FSTL4: variants seen among roughly 807,000 people sequenced by gnomAD.
FSTL4 encodes the protein follistatin like 4.
In FSTL4, 28 loss-of-function variants were observed where a neutral mutation model predicts 78.2. That is an observed-to-expected ratio of 0.36 (90% CI 0.27 to 0.49). The LOEUF (loss-of-function observed/expected upper bound fraction) is 0.49. FSTL4 is among the 20% of genes least tolerant of loss of function. The pLI, the probability that FSTL4 is intolerant of heterozygous loss-of-function variation, is 0.98. For missense variants in FSTL4, 922 were observed against 1,084.9 expected, an observed-to-expected ratio of 0.85 and a Z score of 2.11; for synonymous variants, 422 against 440.5, an observed-to-expected ratio of 0.96 and a Z score of 0.53.
At chr5:133,747,444 C>T in the FSTL4 span, among the ~76,000 whole-genome samples, 1 of 152,080 alleles carries the variant, frequency 6.6e-6, no homozygotes, top group Non-Finnish European at 1.5e-5. Flanking sequence ...AATCCCATAA[C>T]CCAAAGTAAG....
the FSTL4 span, among the ~76,000 whole-genome samples, chr5:133,633,801 G>A: frequency 6.6e-6 from 1 of 151,922 alleles, no homozygotes; most frequent in Admixed American, 6.6e-5. Flanking sequence ...GGTGTCATCT[G>A]TTACTCCCCA....
At chr5:133,668,225 A>G in the FSTL4 span, among the ~76,000 whole-genome samples, 1 of 152,148 alleles carries the variant, frequency 6.6e-6, no homozygotes, top group African/African-American at 2.4e-5. Context: ...CAATTCTCTC[A>G]TATCAGGAAC....
At chr5:133,641,729 A>G in the FSTL4 span, among the ~76,000 whole-genome samples, 1 of 152,214 alleles carries the variant, frequency 6.6e-6, no homozygotes, top group Non-Finnish European at 1.5e-5. Flanking sequence ...ATATATGCAT[A>G]CAATGAAATA....
chr5:133,577,055 T>A (rs6869265), intron 2 of FSTL4, among the ~76,000 whole-genome samples: 42,094 of 152,110 alleles, frequency 0.28, 5,968 homozygotes, highest in East Asian at 0.36. Flanking sequence ...GTGCACACAG[T>A]AAGAGTTTTG....
chr5:133,567,613 G>T (rs1007095019), intron 2 of FSTL4, among the ~76,000 whole-genome samples: 6 of 152,188 alleles, frequency 3.9e-5, no homozygotes, highest in African/African-American at 1.4e-4. Context: ...AAAATTATCT[G>T]GCCAGCAGCA....
chr5:133,685,106 A>G, the FSTL4 span, among the ~76,000 whole-genome samples: 1 of 152,206 alleles, frequency 6.6e-6, no homozygotes, highest in Non-Finnish European at 1.5e-5. Flanking sequence ...ATCAGTGGCA[A>G]CAGAAACACA....
chr5:133,329,432 T>A (rs1165963800), intron 4 of FSTL4, among the ~76,000 whole-genome samples: 1 of 152,106 alleles, frequency 6.6e-6, no homozygotes, highest in Non-Finnish European at 1.5e-5. Flanking sequence ...AAGTATTAAC[T>A]TACACACCTG....
Position 133,611,148 on chromosome 5 carries a change from CGCGGCCGCGAGCGAGGGCT to C in FSTL4, c.-11+1158_-11+1176del, listed in dbSNP as rs1222811846. ...GCGCCATTCATCAGTGTCGGCGGCC[CGCGGCCGCGAGCGAGGGCT>C]GCTGGACAGCGCCCCGGCACCCGCT... On this transcript the variant is annotated intron_variant, in intron 1 of 15. Coordinates refer to ENST00000265342, the MANE Select transcript of FSTL4 (RefSeq NM_015082.2). This position sits in a 1 kb window ranked among gnomAD's most constrained non-coding sequence, Gnocchi z 4.9. 6.6e-6 allele frequency among the ~76,000 whole-genome samples: 1 copy of C among 152,010 alleles called. No individual in the cohort carries two copies. The highest frequency in any genetic ancestry group is 1.5e-5 in the Non-Finnish European group (1 of 67,946).
rs376256832 is a variant in FSTL4, at chr5:133,512,856, C to T, written c.160+54330G>A. On this transcript the variant is annotated intron_variant, in intron 3 of 15. Coordinates refer to ENST00000265342, the MANE Select transcript of FSTL4 (RefSeq NM_015082.2). ...TTTTTGAGACAGTTTTGCTCTCTCT[C>T]GCCCAGGCTGGAGTGCAGTGGCGTG... 7.9e-5 allele frequency among the ~76,000 whole-genome samples: 12 copies of T among 151,888 alleles called. No individual in the cohort carries two copies. The East Asian group carries it at 1.3e-3, about 17-fold the overall frequency.
the FSTL4 span, among the ~76,000 whole-genome samples, chr5:133,801,638 C>A: frequency 6.6e-6 from 1 of 152,264 alleles, no homozygotes; most frequent in African/African-American, 2.4e-5. Context: ...TGTCCCCGCC[C>A]CACTGCCAGC....
intron 3 of FSTL4, among the ~76,000 whole-genome samples, chr5:133,436,072 T>C (rs537345767): frequency 1.3e-5 from 2 of 152,320 alleles, no homozygotes; most frequent in South Asian, 4.1e-4. Context: ...AAAAATACAA[T>C]GCTTACCCTC....
the FSTL4 span, among the ~76,000 whole-genome samples, chr5:133,751,313 T>A: frequency 2.4e-4 from 37 of 152,152 alleles, no homozygotes; most frequent in African/African-American, 7.5e-4. Context: ...TGGAAGAAAA[T>A]GTCACAGAAG....
intron 2 of FSTL4, among the ~76,000 whole-genome samples, chr5:133,599,481 T>C (rs1389708670): frequency 1.3e-5 from 2 of 152,160 alleles, no homozygotes; most frequent in African/African-American, 2.4e-5. Context: ...TGAAAACCCA[T>C]GGTGTCTGAG....
intron 6 of FSTL4, 53 bp downstream of exon 6, chr5:133,312,601 G>T: frequency 6.3e-7 from 1 of 1,579,980 alleles, no homozygotes; most frequent in Non-Finnish European, 8.7e-7. Context: ...ACAGCATTTT[G>T]GTGCAGAAGC....
intron 4 of FSTL4, among the ~76,000 whole-genome samples, chr5:133,380,484 T>A (rs1292786476): frequency 6.6e-6 from 1 of 151,984 alleles, no homozygotes; most frequent in East Asian, 1.9e-4. Context: ...TGAAAGTAAC[T>A]CAAGAAGAAA....
chr5:133,519,011 A>T (rs372807035), intron 3 of FSTL4, among the ~76,000 whole-genome samples: 1 of 152,338 alleles, frequency 6.6e-6, no homozygotes, highest in South Asian at 2.1e-4. Flanking sequence ...TATTATTAGC[A>T]CCACTTTACA....
In FSTL4 at chr5:133,597,256, C is replaced by T. The variant is rs118153864; in HGVS notation, c.126+6602G>A. On this transcript the variant is annotated intron_variant, in intron 2 of 15. Transcript: ENST00000265342. The stretch of plus-strand genomic sequence containing the variant: ...GAAGAGTAGAGCCCACTCATTGGGC[C>T]TTGTTAGAGCCTGCCTGACACAAGG... 3.3e-5 allele frequency among the ~76,000 whole-genome samples: 5 copies of T among 152,316 alleles called. No homozygotes were observed. In the East Asian group the frequency reaches 9.7e-4, roughly 29 times the overall value.
At chr5:133,419,674 T>C (rs1756651623) in intron 3 of FSTL4, among the ~76,000 whole-genome samples, 1 of 152,230 alleles carries the variant, frequency 6.6e-6, no homozygotes, top group South Asian at 2.1e-4. Flanking sequence ...TGTCAAACCA[T>C]CTTCCAAAGT....
chr5:133,265,054 G>A (rs1752613137), intron 6 of FSTL4, among the ~76,000 whole-genome samples: 1 of 152,176 alleles, frequency 6.6e-6, no homozygotes, highest in Non-Finnish European at 1.5e-5. Context: ...CCTCTGTGCT[G>A]CTTCCAGTAG....
Sources: allele counts gnomAD v4.1 joint callset (sites outside exome capture counted in the v4.1 genomes callset), GRCh38; gene constraint gnomAD v4.1.1; non-coding constraint Gnocchi (gnomAD v3.1); transcripts MANE v1.5; gene names NCBI Gene and HGNC (gene_info 2026-07-23, HGNC 2026-07-21).